FSTL5: variants seen among roughly 807,000 people sequenced by gnomAD.
FSTL5 encodes follistatin-related protein 5.
A neutral mutation model predicts 89.1 loss-of-function variants in FSTL5; 62 were observed. The ratio of observed to expected loss-of-function variants is 0.70; its 90% CI spans 0.57 to 0.86. The LOEUF is 0.86. Ranked by LOEUF, FSTL5 falls within the 40% of genes least tolerant of loss-of-function variation. The pLI is 0.00. For missense variants in FSTL5, 1,057 were observed against 1,001.6 expected (o/e 1.06, Z -0.75); for synonymous variants, 383 against 346.2 (o/e 1.11, Z -1.18).
In FSTL5 at chr4:162,139,150, G is replaced by T. The variant is rs535334573; in HGVS notation, c.-17+24465C>A. Among the ~76,000 whole-genome samples the T allele has an allele frequency of 5.9e-5, 9 of 152,058 alleles. No homozygotes were observed. The East Asian group carries it at 1.7e-3, about 29-fold the overall frequency. ...TTATTACATGAATATAATGTGTAAT[G>T]GTGAGGTCTGGGTTTCTAGTGTACC... On this transcript the variant is annotated intron_variant, in intron 1 of 15. Transcript: ENST00000306100.
chr4:162,024,554 G>T (rs568640374), intron 3 of FSTL5, among the ~76,000 whole-genome samples: 1 of 152,080 alleles, frequency 6.6e-6, no homozygotes. Context: ...CACAGCAGTT[G>T]TTTCTAAATG....
At chr4:161,937,647 A>T (rs1324696532) in intron 3 of FSTL5, among the ~76,000 whole-genome samples, 1 of 152,190 alleles carries the variant, frequency 6.6e-6, no homozygotes, top group Admixed American at 6.5e-5. Context: ...TGGGGGAAAG[A>T]ACTCTGTGCT....
At chr4:162,081,483 T>C (rs1730095493) in intron 2 of FSTL5, among the ~76,000 whole-genome samples, 1 of 151,488 alleles carries the variant, frequency 6.6e-6, no homozygotes. Context: ...ACAATATATA[T>C]ATAAAATAAT....
At chr4:161,768,670 TG>T (rs1248440312) in intron 5 of FSTL5, among the ~76,000 whole-genome samples, 1 of 151,930 alleles carries the variant, frequency 6.6e-6, no homozygotes, top group East Asian at 1.9e-4. Context: ...TGCAAATGGA[TG>T]TTTTTTTCAG....
chr4:161,686,340 ATATATATTTTTTTTTTT>A (rs1737741797), intron 6 of FSTL5, among the ~76,000 whole-genome samples: 1 of 7,892 alleles, frequency 1.3e-4, no homozygotes. Flanking sequence ...ATATATATAT[ATATATATTTTTTTTTTT>A]TTTTTTTTTT....
intron 2 of FSTL5, among the ~76,000 whole-genome samples, chr4:162,050,640 T>C (rs1309131141): frequency 1.3e-5 from 2 of 150,660 alleles, no homozygotes; most frequent in African/African-American, 4.8e-5. Context: ...AAGAAAATAA[T>C]TTTATGACTT....
intron 1 of FSTL5, among the ~76,000 whole-genome samples, chr4:162,148,929 A>G (rs1733116252): frequency 1.3e-5 from 2 of 152,338 alleles, no homozygotes; most frequent in South Asian, 4.1e-4. Flanking sequence ...AAAGGACTAT[A>G]TGTAAAACAA....
intron 6 of FSTL5, among the ~76,000 whole-genome samples, chr4:161,711,144 A>G (rs920326330): frequency 3.9e-5 from 4 of 101,434 alleles, no homozygotes; most frequent in Non-Finnish European, 8.0e-5. Flanking sequence ...GTCCTGGGGG[A>G]CAAGGGGACA....
intron 15 of FSTL5, among the ~76,000 whole-genome samples, chr4:161,406,784 T>C (rs1731394837): frequency 6.6e-6 from 1 of 152,240 alleles, no homozygotes; most frequent in Non-Finnish European, 1.5e-5. Context: ...AATATCTTTT[T>C]CCATCTCTTC....
chr4:161,951,815 C>T (rs1734904067), intron 3 of FSTL5, among the ~76,000 whole-genome samples: 1 of 151,722 alleles, frequency 6.6e-6, no homozygotes, highest in Non-Finnish European at 1.5e-5. Context: ...TTAAAGTTAC[C>T]TACTTTGTAC....
At chr4:161,796,124 T>A (rs2126824808) in intron 4 of FSTL5, among the ~76,000 whole-genome samples, 1 of 152,080 alleles carries the variant, frequency 6.6e-6, no homozygotes, top group African/African-American at 2.4e-5. Flanking sequence ...TCAACAATGT[T>A]TTGTTTAAAG....
At chr4:161,469,296 A>C (rs1197621605) in intron 13 of FSTL5, among the ~76,000 whole-genome samples, 1 of 152,166 alleles carries the variant, frequency 6.6e-6, no homozygotes, top group Admixed American at 6.5e-5. Flanking sequence ...TGCATTTATA[A>C]AGCATATTTT....
Position 161,787,174 on chromosome 4 carries a change from A to C in FSTL5, c.410-11100T>G, listed in dbSNP as rs569695843. Among the ~76,000 whole-genome samples the C allele has an allele frequency of 2.0e-5, 3 of 152,260 alleles. No homozygotes were observed. The South Asian group carries it at 6.2e-4, about 31-fold the overall frequency. On this transcript the variant is annotated intron_variant, in intron 4 of 15. Transcript: ENST00000306100. ...CAATATATCTTCAGTGGATAAATAT[A>C]ATGAAAATGACAAAATAATTTATAA...
At chr4:161,874,489 GA>G (rs751712019) in intron 4 of FSTL5, among the ~76,000 whole-genome samples, 1 of 150,984 alleles carries the variant, frequency 6.6e-6, no homozygotes. Context: ...CTAAATTCTG[GA>G]AAAAAATTAG....
At chr4:162,024,428 A>G (rs932636190) in intron 3 of FSTL5, among the ~76,000 whole-genome samples, 5 of 152,158 alleles carry the variant, frequency 3.3e-5, no homozygotes, top group African/African-American at 9.7e-5. Context: ...TCTAATATTT[A>G]AATTAATACA....
At chr4:161,940,124 C>G (rs1344866359) in intron 3 of FSTL5, among the ~76,000 whole-genome samples, 1 of 151,744 alleles carries the variant, frequency 6.6e-6, no homozygotes, top group African/African-American at 2.4e-5. Context: ...AAAATTCTAT[C>G]CTCTAATAAA....
chr4:161,715,132 G>T (rs1020544958), intron 6 of FSTL5, among the ~76,000 whole-genome samples: 4 of 152,126 alleles, frequency 2.6e-5, no homozygotes, highest in Non-Finnish European at 5.9e-5. Flanking sequence ...GGAGGGTGGT[G>T]AGGGAAAAGA....
At chr4:161,597,395 C>T (rs930780784) in intron 7 of FSTL5, among the ~76,000 whole-genome samples, 6 of 147,474 alleles carry the variant, frequency 4.1e-5, no homozygotes, top group Admixed American at 1.4e-4. Context: ...AACCAAACAC[C>T]GCATGTTCTC....
intron 3 of FSTL5, among the ~76,000 whole-genome samples, chr4:162,002,080 T>TA (rs970532815): frequency 1.1e-4 from 17 of 152,294 alleles, no homozygotes; most frequent in African/African-American, 3.6e-4. Flanking sequence ...ATTGATTATA[T>TA]AAAAAACCTT....
Sources: allele counts gnomAD v4.1 joint callset (sites outside exome capture counted in the v4.1 genomes callset), GRCh38; gene constraint gnomAD v4.1.1; transcripts MANE v1.5; gene names NCBI Gene and HGNC (gene_info 2026-07-23, HGNC 2026-07-21).